MKLN1: variants seen among roughly 807,000 people sequenced by gnomAD.
The protein encoded by MKLN1 is muskelin.
MKLN1 carries 18 observed loss-of-function variants against 99.0 expected under a neutral mutation model. That is an observed-to-expected ratio of 0.18 (90% CI 0.13 to 0.27). The LOEUF is 0.27. Ranked by LOEUF, MKLN1 falls within the 10% of genes least tolerant of loss-of-function variation. The probability of loss-of-function intolerance (pLI) is 1.00; values close to 1 mark genes in which losing one functional copy is unlikely to be tolerated. For synonymous variants in MKLN1, 288 were observed against 293.2 expected, an observed-to-expected ratio of 0.98 and a Z score of 0.18; for missense variants, 621 against 875.9, an observed-to-expected ratio of 0.71 and a Z score of 3.67.
intron 1 of MKLN1, among the ~76,000 whole-genome samples, chr7:131,365,647 C>CG (rs1205282599): frequency 3.3e-5 from 5 of 152,040 alleles, no homozygotes; most frequent in Non-Finnish European, 5.9e-5. Flanking sequence ...AGTCCAGCCT[C>CG]GATCTTTTGC....
intron 6 of MKLN1, among the ~76,000 whole-genome samples, chr7:131,406,797 C>A (rs1794722477): frequency 6.6e-6 from 1 of 151,984 alleles, no homozygotes; most frequent in Admixed American, 6.6e-5. Context: ...GAATATCATT[C>A]GACTGTTATT....
chr7:131,273,499 G>A (rs544839621), intron 3 of MKLN1, among the ~76,000 whole-genome samples: 2 of 152,154 alleles, frequency 1.3e-5, no homozygotes, highest in Non-Finnish European at 2.9e-5. Context: ...AGGTCCCTTG[G>A]CATTTGGGGA....
chr7:131,448,010 C>T (rs764350891), intron 12 of MKLN1, among the ~76,000 whole-genome samples: 4 of 152,106 alleles, frequency 2.6e-5, no homozygotes, highest in African/African-American at 4.8e-5. Flanking sequence ...AGGTGGATCA[C>T]GAGGTCAGGA....
intron 1 of MKLN1, among the ~76,000 whole-genome samples, chr7:131,373,755 G>T (rs1369727940): frequency 6.6e-6 from 1 of 152,086 alleles, no homozygotes; most frequent in African/African-American, 2.4e-5. Context: ...TGGTACGTTT[G>T]TCACAACTAA....
chr7:131,429,078 C>G lies in MKLN1; in HGVS notation c.893C>G (p.Ala298Gly). The G allele has an allele frequency of 1.2e-6, 2 of 1,613,776 alleles. No homozygotes were observed. The highest frequency in any genetic ancestry group is 1.7e-6 in the Non-Finnish European group (2 of 1,179,906). The stretch of plus-strand genomic sequence containing the variant: ...GGCTGGGATGGAACACAAGATCTTG[C>G]TGACTTCTGGGCGTACAGTGTGAAG... ...FGGWDGTQDLADFWAYSVKEN... is the reference protein window; with the variant it reads ...FGGWDGTQDLGDFWAYSVKEN... Residue 298 changes from alanine (A) to glycine (G), a missense_variant, in exon 9 of 18, where the codon GCT becomes GGT. Ala to Gly is a moderately conservative substitution (Grantham distance 60). Around this residue, in one of 8 missense-constraint regions of MKLN1, gnomAD observed 361 missense variants for 540.8 expected, o/e 0.67. Transcript: ENST00000352689.
At chr7:131,353,924 AC>A (rs1799797355) in intron 1 of MKLN1, among the ~76,000 whole-genome samples, 2 of 146,548 alleles carry the variant, frequency 1.4e-5, no homozygotes, top group South Asian at 4.3e-4. Flanking sequence ...AAAAAAAAAA[AC>A]CAGTTGGGCA....
At position 131,164,295 on chromosome 7, in the gene MKLN1, G is replaced by A. The variant is rs114757455; in HGVS notation, c.-297+21354G>A. Among the ~76,000 whole-genome samples, 1,033 of 152,088 alleles carry A rather than the reference G, an allele frequency of 6.8e-3. 14 individuals are homozygous for A. Among genetic ancestry groups the A allele is most frequent in the African/African-American group, 0.023 (971 of 41,494 alleles). ...CCTAGCTAATTTTTGTATCTTTTTT[G>A]GTAGAGATGTGGTCTCACTATGTTA... On this transcript the variant is annotated intron_variant, in intron 2 of 7. Coordinates refer to the MKLN1 transcript ENST00000416992.
chr7:131,474,838 TCACAGGCC>T (rs1363633692), intron 16 of MKLN1, among the ~76,000 whole-genome samples: 2 of 152,146 alleles, frequency 1.3e-5, no homozygotes, highest in Non-Finnish European at 2.9e-5. Context: ...TTTAATTGAC[TCACAGGCC>T]CACAGGCTTA....
At chr7:131,265,832 G>A (rs1475268087) in intron 3 of MKLN1, among the ~76,000 whole-genome samples, 4 of 152,132 alleles carry the variant, frequency 2.6e-5, no homozygotes, top group African/African-American at 9.7e-5. Flanking sequence ...GGAGAGTGGG[G>A]GCCTGAGAGG....
At chr7:131,148,586 G>A (rs1026288511) in intron 2 of MKLN1, among the ~76,000 whole-genome samples, 6 of 152,036 alleles carry the variant, frequency 3.9e-5, no homozygotes, top group African/African-American at 1.4e-4. Context: ...ACCAGCCTGG[G>A]CAACATAGCG....
intron 3 of MKLN1, among the ~76,000 whole-genome samples, chr7:131,286,307 G>A (rs572727475): frequency 6.6e-6 from 1 of 152,184 alleles, no homozygotes; most frequent in African/African-American, 2.4e-5. Context: ...ATGAATCAAA[G>A]TTCCTAAGAA....
At chr7:131,150,228 A>G in intron 2 of MKLN1, among the ~76,000 whole-genome samples, 1 of 152,200 alleles carries the variant, frequency 6.6e-6, no homozygotes, top group East Asian at 1.9e-4. Context: ...AAAATCTGGA[A>G]TAACTCAATG....
chr7:131,250,114 A>G (rs909153558), intron 3 of MKLN1, among the ~76,000 whole-genome samples: 1 of 152,146 alleles, frequency 6.6e-6, no homozygotes, highest in African/African-American at 2.4e-5. Flanking sequence ...GAAGCAGAAA[A>G]AGAAGACTGG....
chr7:131,326,183 A>G (rs1798885469), upstream of MKLN1, among the ~76,000 whole-genome samples: 1 of 152,132 alleles, frequency 6.6e-6, no homozygotes, highest in South Asian at 2.1e-4. Context: ...TTCTTCAAAG[A>G]TAACCACTAT....
At chr7:131,298,057 A>G (rs1798320157) in intron 3 of MKLN1, among the ~76,000 whole-genome samples, 1 of 152,104 alleles carries the variant, frequency 6.6e-6, no homozygotes, top group South Asian at 2.1e-4. Flanking sequence ...GCTGAGGCGG[A>G]TGGATCACGA....
At chr7:131,339,814 A>T (rs17165569) in intron 1 of MKLN1, among the ~76,000 whole-genome samples, 7,630 of 152,174 alleles carry the variant, frequency 0.05, 255 homozygotes, top group East Asian at 0.19. Flanking sequence ...TCTTATATTT[A>T]TGTGAAGATG....
chr7:131,370,970 A>C (rs1376362310), intron 1 of MKLN1, among the ~76,000 whole-genome samples: 1 of 149,996 alleles, frequency 6.7e-6, no homozygotes, highest in Non-Finnish European at 1.5e-5. Context: ...ATCTTTCCAA[A>C]CCCCCTAGGC....
At chr7:131,166,625 C>G (rs1388702889) in intron 2 of MKLN1, among the ~76,000 whole-genome samples, 1 of 152,230 alleles carries the variant, frequency 6.6e-6, no homozygotes, top group African/African-American at 2.4e-5. Context: ...GCCTGAAACC[C>G]TCTTTCCTCG....
At chr7:131,261,325 G>C (rs749977824) in intron 3 of MKLN1, among the ~76,000 whole-genome samples, 2 of 152,188 alleles carry the variant, frequency 1.3e-5, no homozygotes, top group Non-Finnish European at 2.9e-5. Context: ...CCATAAAAAA[G>C]TGGGCAAAGG....
Sources: gnomAD v4.1 joint callset for allele counts (sites outside exome capture counted in the v4.1 genomes callset) on GRCh38, gnomAD v4.1.1 for gene constraint, gnomAD v4.1.1 regional missense constraint, MANE v1.5 for transcripts, NCBI Gene and HGNC (gene_info 2026-07-23, HGNC 2026-07-21) for gene names.